The following ADGB variants were observed in gnomAD, a reference collection of about 807,000 sequenced individuals.
The protein encoded by ADGB is androglobin.
A neutral mutation model predicts 210.5 loss-of-function variants in ADGB; 172 were observed. The observed-to-expected ratio is 0.82, with a 90% CI of 0.72 to 0.93. ADGB has a LOEUF of 0.93. ADGB is among the 40% of genes least tolerant of loss of function. The probability of loss-of-function intolerance (pLI) is 0.00; values close to 1 mark genes in which losing one functional copy is unlikely to be tolerated. For missense variants in ADGB, 2,025 were observed against 1,964.8 expected, an observed-to-expected ratio of 1.03 and a Z score of -0.58; for synonymous variants, 658 against 662.7, an observed-to-expected ratio of 0.99 and a Z score of 0.11.
At chr6:146,637,846 C>A (rs1380159856) in intron 2 of ADGB, among the ~76,000 whole-genome samples, 1 of 151,896 alleles carries the variant, frequency 6.6e-6, no homozygotes, top group Non-Finnish European at 1.5e-5. Flanking sequence ...TGAAACTATT[C>A]CAAAAAATTG....
chr6:146,781,785 A>C (rs2114643626), intron 29 of ADGB, among the ~76,000 whole-genome samples: 1 of 152,290 alleles, frequency 6.6e-6, no homozygotes, highest in Middle Eastern at 3.4e-3. Context: ...CAGTCTTATA[A>C]ATGTACCAAA....
rs990408082 is a variant in ADGB at position 146,666,823 on chromosome 6, G to C, written c.760G>C (p.Val254Leu). The change falls in exon 7 of 36, where the codon GTA becomes CTA. Residue 254 changes from valine (V) to leucine (L), a missense_variant. Coordinates refer to ENST00000397944, the MANE Select transcript of ADGB (RefSeq NM_024694.4). ...IIKLANIDIHVADRRELGEFT... is the reference protein window; with the variant it reads ...IIKLANIDIHLADRRELGEFT... ...ATGCATGTTCTTTTTTAGCATCCATGTAGCAGACAGGAGAGAGCTGGGGGA... is the reference window on the plus strand; with the variant it reads ...ATGCATGTTCTTTTTTAGCATCCATCTAGCAGACAGGAGAGAGCTGGGGGA... The C allele has an allele frequency of 7.8e-6, 12 of 1,545,886 alleles. No individual in the cohort carries two copies. The African/African-American group carries it at 1.4e-4, about 18-fold the overall frequency.
chr6:146,726,053 C>T (rs1286685787), intron 18 of ADGB, 30 bp from the exon 19 acceptor site: 131 of 1,422,820 alleles, frequency 9.2e-5, no homozygotes, highest in Non-Finnish European at 1.2e-4. Context: ...AGGAAGCACT[C>T]GGTTATCATC....
chr6:146,657,163 A>G (rs1308399340), intron 5 of ADGB, among the ~76,000 whole-genome samples, 183 bp downstream of exon 5: 1 of 152,140 alleles, frequency 6.6e-6, no homozygotes, highest in Non-Finnish European at 1.5e-5. Context: ...TGTTGCTACT[A>G]AAAAGACAAA....
chr6:146,700,327 A>C (rs1291318964), intron 12 of ADGB, among the ~76,000 whole-genome samples: 3 of 152,226 alleles, frequency 2.0e-5, no homozygotes, highest in Non-Finnish European at 4.4e-5. Flanking sequence ...TTTAGTTACA[A>C]GTGAATTTTT....
intron 9 of ADGB, among the ~76,000 whole-genome samples, chr6:146,681,494 G>A (rs919456747): frequency 6.6e-6 from 1 of 152,038 alleles, no homozygotes; most frequent in African/African-American, 2.4e-5. Flanking sequence ...GCCTAATACA[G>A]TCCAGTAAAA....
chr6:146,672,727 C>CT (rs58547170), intron 8 of ADGB, among the ~76,000 whole-genome samples: 70,245 of 142,690 alleles, frequency 0.49, 17,288 homozygotes, highest in East Asian at 0.65. Context: ...GTTTTTCTTT[C>CT]TTTTTTTTTT....
At chr6:146,805,243 C>G (rs1383156099) in intron 35 of ADGB, among the ~76,000 whole-genome samples, 1 of 152,190 alleles carries the variant, frequency 6.6e-6, no homozygotes, top group Non-Finnish European at 1.5e-5. Flanking sequence ...TCACATTTCA[C>G]TGACCAGAGC....
rs1486315344 is a variant in ADGB, at chr6:146,721,617, C to G, written c.2095+112C>G. On this transcript the variant is annotated intron_variant, in intron 17 of 35. Transcript: ENST00000397944. ...CTTTGAGAGGCTGAGGCGGGTGGAT[C>G]ACCTGAAGTCAGGAGTCCTAGGCCA... The G allele has an allele frequency of 5.9e-6, 4 of 677,728 alleles. No homozygotes were observed. In the African/African-American group the frequency reaches 7.3e-5, roughly 12 times the overall value. The allele number at this position is 677,728 out of a possible 1,614,324, so 42.0% of individuals were successfully genotyped here.
chr6:146,705,114 T>C (rs183357599), intron 13 of ADGB, among the ~76,000 whole-genome samples: 1 of 152,136 alleles, frequency 6.6e-6, no homozygotes, highest in African/African-American at 2.4e-5. Context: ...CTGATTTCTA[T>C]TTTTGTTTTT....
chr6:146,694,230 A>G (rs888579023), intron 12 of ADGB, among the ~76,000 whole-genome samples: 3 of 152,178 alleles, frequency 2.0e-5, no homozygotes, highest in African/African-American at 7.2e-5. Context: ...ATAACAAAAT[A>G]CCATAGACTT....
At chr6:146,756,994 T>C (rs1777416864) in intron 27 of ADGB, among the ~76,000 whole-genome samples, 1 of 152,068 alleles carries the variant, frequency 6.6e-6, no homozygotes, top group Non-Finnish European at 1.5e-5. Flanking sequence ...CCCCAAGGGC[T>C]GGGATTACAG....
chr6:146,602,303 A>G (rs576612539), intron 1 of ADGB, among the ~76,000 whole-genome samples: 1 of 152,248 alleles, frequency 6.6e-6, no homozygotes, highest in East Asian at 1.9e-4. Flanking sequence ...TCCCTGCTTT[A>G]TATTTTCCTC....
At chr6:146,657,092 A>C (rs1387290717) in intron 5 of ADGB, 112 bp downstream of exon 5, 1 of 928,656 alleles carries the variant, frequency 1.1e-6, no homozygotes, top group Non-Finnish European at 1.6e-6. Flanking sequence ...GGCAAAGGCC[A>C]AGGCAGTGGA....
chr6:146,721,033 C>T (rs1776805250), intron 16 of ADGB, among the ~76,000 whole-genome samples: 1 of 152,194 alleles, frequency 6.6e-6, no homozygotes, highest in South Asian at 2.1e-4. Flanking sequence ...AAGTTTCTTA[C>T]TCTATGGCCT....
chr6:146,779,922 G>A (rs1294237083), intron 29 of ADGB, among the ~76,000 whole-genome samples: 1 of 149,824 alleles, frequency 6.7e-6, no homozygotes, highest in Admixed American at 6.7e-5. Context: ...AAGTGTACCA[G>A]TAAAACTACA....
intron 13 of ADGB, among the ~76,000 whole-genome samples, chr6:146,701,688 C>T (rs74438472): frequency 0.04 from 6,053 of 151,208 alleles, 174 homozygotes; most frequent in South Asian, 0.064. Context: ...TTGAAAACAA[C>T]TCATCTTTTT....
rs759724754 is a variant in ADGB, at chr6:146,815,096, T to G, written c.4883T>G (p.Leu1628Arg). The change falls in exon 36 of 36, where the codon CTG becomes CGG. Residue 1628 changes from leucine (L) to arginine (R), a missense_variant. By Grantham distance (102) the Leu-to-Arg change is moderately radical (BLOSUM62 -2). Coordinates refer to ENST00000397944, the MANE Select transcript of ADGB (RefSeq NM_024694.4). The part of the protein sequence containing the change: ...DIREEYRNKL[L>R]EAEHLKLETL... Reference sequence around the variant, plus strand: ...CGGGAAGAGTACAGAAACAAATTGCTGGAAGCTGAGCACCTAAAGCTGGAA... The same window carrying G: ...CGGGAAGAGTACAGAAACAAATTGCGGGAAGCTGAGCACCTAAAGCTGGAA... 2 of 1,548,812 alleles carry G rather than the reference T, an allele frequency of 1.3e-6. No individual in the cohort carries two copies. Among genetic ancestry groups the G allele is most frequent in the African/African-American group, 1.4e-5 (1 of 72,630 alleles).
At chr6:146,788,012 A>T (rs1252578280) in intron 32 of ADGB, among the ~76,000 whole-genome samples, 1 of 152,142 alleles carries the variant, frequency 6.6e-6, no homozygotes, top group Non-Finnish European at 1.5e-5. Context: ...GCATACAGGG[A>T]TCCCCCTGCA....
Sources: allele counts gnomAD v4.1 joint callset (sites outside exome capture counted in the v4.1 genomes callset), GRCh38; gene constraint gnomAD v4.1.1; transcripts MANE v1.5; gene names NCBI Gene and HGNC (gene_info 2026-07-23, HGNC 2026-07-21).